Variants in CEP128 observed in about 807,000 individuals in gnomAD.
CEP128 encodes the protein centrosomal protein 128.
A neutral mutation model predicts 156.7 loss-of-function variants in CEP128; 132 were observed. The ratio of observed to expected loss-of-function variants is 0.84; its 90% CI spans 0.73 to 0.97. The LOEUF is 0.97. Among genes scored for constraint, CEP128 ranks in the 50% least tolerant of loss-of-function variants. The probability of loss-of-function intolerance (pLI) is 0.00; values close to 1 mark genes in which losing one functional copy is unlikely to be tolerated. For missense variants in CEP128, 1,252 were observed against 1,281.9 expected (o/e 0.98, Z 0.36); for synonymous variants, 469 against 448.9 (o/e 1.04, Z -0.57).
intron 19 of CEP128, among the ~76,000 whole-genome samples, chr14:80,609,493 G>T (rs1892912220): frequency 6.6e-6 from 1 of 151,992 alleles, no homozygotes; most frequent in Non-Finnish European, 1.5e-5. Flanking sequence ...CTGGGTATTT[G>T]GGTGTCCATT....
chr14:80,907,297 C>T (rs759916), intron 4 of CEP128, among the ~76,000 whole-genome samples: 104,871 of 151,900 alleles, frequency 0.69, 37,433 homozygotes, highest in African/African-American at 0.88. Context: ...GGTTTCCACA[C>T]CCCTCTGTCT....
chr14:80,856,678 C>A (rs1384209832), intron 9 of CEP128, among the ~76,000 whole-genome samples: 1 of 133,262 alleles, frequency 7.5e-6, no homozygotes, highest in African/African-American at 2.9e-5. Flanking sequence ...TGTGTGTGTG[C>A]GTGTGTGTGT....
intron 13 of CEP128, among the ~76,000 whole-genome samples, chr14:80,823,366 G>C (rs1412119121): frequency 6.6e-6 from 1 of 152,160 alleles, no homozygotes; most frequent in African/African-American, 2.4e-5. Flanking sequence ...CTTGTGAAAA[G>C]TTGTTAAACA....
rs148733910 is a variant in CEP128, at chr14:80,843,724, A to G, written c.763-2956T>C. ...TAAATTGAAGTTACAAGTTGTTTATATTTATGTATATTAAAAATTTGAGGT... is the reference window on the plus strand; with the variant it reads ...TAAATTGAAGTTACAAGTTGTTTATGTTTATGTATATTAAAAATTTGAGGT... On this transcript the variant is annotated intron_variant, in intron 9 of 24. Transcript: ENST00000555265. 1.4e-3 allele frequency among the ~76,000 whole-genome samples: 210 copies of G among 152,166 alleles called. 1 individual carries two copies. The highest frequency in any genetic ancestry group is 4.1e-3 in the African/African-American group (169 of 41,566).
chr14:80,873,367 A>C (rs1373411152), intron 8 of CEP128, among the ~76,000 whole-genome samples: 1 of 152,194 alleles, frequency 6.6e-6, no homozygotes, highest in East Asian at 1.9e-4. Flanking sequence ...ATACAAAGTA[A>C]AACTGTAGAC....
At chr14:80,713,235 CTT>C (rs967375450) in intron 19 of CEP128, among the ~76,000 whole-genome samples, 3 of 152,106 alleles carry the variant, frequency 2.0e-5, no homozygotes, top group Admixed American at 2.0e-4. Context: ...ATAAAAGACT[CTT>C]TATAATCTAA....
At chr14:80,816,818 C>CA (rs369554915) in intron 13 of CEP128, among the ~76,000 whole-genome samples, 142 of 152,012 alleles carry the variant, frequency 9.3e-4, no homozygotes, top group African/African-American at 3.1e-3. Context: ...GATCAGCTAA[C>CA]AAAAAAATCA....
chr14:80,944,106 G>T (rs1363598506), upstream of CEP128, among the ~76,000 whole-genome samples: 2 of 151,770 alleles, frequency 1.3e-5, no homozygotes, highest in Non-Finnish European at 2.9e-5. Context: ...CAACAAAATA[G>T]ATTTTACATG....
chr14:80,673,382 G>A (rs1242845091), intron 19 of CEP128, among the ~76,000 whole-genome samples: 2 of 151,972 alleles, frequency 1.3e-5, no homozygotes, highest in African/African-American at 2.4e-5. Flanking sequence ...GGTGGCTCAC[G>A]CCTGTAATCC....
At chr14:80,593,087 CACAAG>C (rs1193006004) in intron 19 of CEP128, among the ~76,000 whole-genome samples, 1 of 152,096 alleles carries the variant, frequency 6.6e-6, no homozygotes, top group Non-Finnish European at 1.5e-5. Flanking sequence ...TGAAAACTGG[CACAAG>C]ACAAGGATGC....
chr14:80,691,355 G>A (rs1387170228), intron 19 of CEP128, among the ~76,000 whole-genome samples: 8 of 152,170 alleles, frequency 5.3e-5, no homozygotes, highest in Non-Finnish European at 7.3e-5. Flanking sequence ...CTGGAAAGAA[G>A]AGAATGGGTA....
chr14:80,628,275 A>T (rs1018340418), intron 19 of CEP128, among the ~76,000 whole-genome samples: 2 of 152,206 alleles, frequency 1.3e-5, no homozygotes, highest in African/African-American at 4.8e-5. Flanking sequence ...CTATTCTTAG[A>T]AACATCCCAT....
At chr14:80,690,371 G>A (rs934302720) in intron 19 of CEP128, among the ~76,000 whole-genome samples, 2 of 150,056 alleles carry the variant, frequency 1.3e-5, no homozygotes, top group Non-Finnish European at 1.5e-5. Flanking sequence ...AGTTGTGATC[G>A]CATCATTGTA....
intron 19 of CEP128, among the ~76,000 whole-genome samples, chr14:80,631,777 G>A (rs1893969037): frequency 1.3e-5 from 2 of 152,000 alleles, no homozygotes; most frequent in South Asian, 2.1e-4. Flanking sequence ...CAAGACTTAG[G>A]TGTCAGATAT....
chr14:80,935,964 T>C (rs1188439956), intron 2 of CEP128, among the ~76,000 whole-genome samples: 3 of 152,172 alleles, frequency 2.0e-5, no homozygotes, highest in East Asian at 1.9e-4. Flanking sequence ...AGTAGAAAGC[T>C]TTCTTACACA....
At chr14:80,687,587 G>T (rs1403154536) in intron 19 of CEP128, among the ~76,000 whole-genome samples, 1 of 152,092 alleles carries the variant, frequency 6.6e-6, no homozygotes, top group Non-Finnish European at 1.5e-5. Context: ...TACTCAAGGA[G>T]AAAGGAAGGG....
intron 19 of CEP128, among the ~76,000 whole-genome samples, chr14:80,660,081 T>C (rs1343720891): frequency 6.6e-6 from 1 of 152,166 alleles, no homozygotes; most frequent in Admixed American, 6.5e-5. Context: ...AGGTCTTCTG[T>C]GTACGCAAAG....
chr14:80,512,596 T>C lies in CEP128; in HGVS notation c.3073-7576A>G, dbSNP rs574807814. On this transcript the variant is annotated intron_variant, in intron 23 of 24. Transcript: ENST00000555265. ...AGTCTATTTACATTCACTGTTATTA[T>C]TGATAAGCAAGAACTTACTCCTGTC... 7.2e-5 allele frequency among the ~76,000 whole-genome samples: 11 copies of C among 151,982 alleles called. No homozygotes were observed. In the South Asian group the frequency reaches 1.2e-3, roughly 17 times the overall value.
intron 19 of CEP128, among the ~76,000 whole-genome samples, chr14:80,733,163 C>G (rs1461670638): frequency 6.6e-6 from 1 of 152,168 alleles, no homozygotes. Flanking sequence ...CGTCTTCAAA[C>G]TAGGACATCA....
Sources: allele counts gnomAD v4.1 joint callset (sites outside exome capture counted in the v4.1 genomes callset), GRCh38; gene constraint gnomAD v4.1.1; transcripts MANE v1.5; gene names NCBI Gene and HGNC (gene_info 2026-07-23, HGNC 2026-07-21).